CALN1: variants seen among roughly 807,000 people sequenced by gnomAD.
The protein encoded by CALN1 is calcium-binding protein 8.
Under a neutral mutation model 30.6 loss-of-function variants are expected in CALN1, and 17 were observed. That is an observed-to-expected ratio of 0.56 (90% CI 0.38 to 0.83). The LOEUF (loss-of-function observed/expected upper bound fraction) is 0.83, where lower values mean the gene tolerates loss of function less well. Ranked by LOEUF, CALN1 falls within the 40% of genes least tolerant of loss-of-function variation. CALN1 has a pLI of 0.00. For synonymous variants in CALN1, 156 were observed against 131.4 expected, an observed-to-expected ratio of 1.19 and a Z score of -1.28; for missense variants, 291 against 354.9, an observed-to-expected ratio of 0.82 and a Z score of 1.45.
chr7:72,484,653 G>C, the CALN1 span, among the ~76,000 whole-genome samples: 1 of 152,140 alleles, frequency 6.6e-6, no homozygotes, highest in South Asian at 2.1e-4. Flanking sequence ...CTGGTGCTTA[G>C]TCCTTTGAAT....
intron 5 of CALN1, among the ~76,000 whole-genome samples, chr7:71,864,641 G>A (rs911276536): frequency 6.6e-6 from 1 of 152,162 alleles, no homozygotes; most frequent in African/African-American, 2.4e-5. Context: ...CACGGAGACT[G>A]AGAGATGATA....
At chr7:72,060,725 G>C (rs1803588791) in intron 4 of CALN1, among the ~76,000 whole-genome samples, 1 of 152,072 alleles carries the variant, frequency 6.6e-6, no homozygotes, top group African/African-American at 2.4e-5. Context: ...ATGGTAGTGA[G>C]TTCACGCAAG....
rs371093777 is a variant in CALN1, at chr7:72,424,948, A to G, written c.-225-12673T>C. Among the ~76,000 whole-genome samples, 66 of 152,134 alleles carry G rather than the reference A, an allele frequency of 4.3e-4. 3 individuals are homozygous for G. The South Asian group carries it at 0.014, about 32-fold the overall frequency. On this transcript the variant is annotated intron_variant, in intron 1 of 6. Transcript: ENST00000395276. ...CACAGGACTCACTCAAGCGGGTGTA[A>G]GGCTGGGCCCATCTCTAAGGTTTCT... is the stretch of plus-strand genomic sequence containing the variant.
chr7:72,227,325 A>C (rs1793757540), intron 3 of CALN1, among the ~76,000 whole-genome samples: 1 of 151,932 alleles, frequency 6.6e-6, no homozygotes. Context: ...AGATAACTAA[A>C]GGTCAGGAGT....
chr7:72,463,166 G>A, the CALN1 span, among the ~76,000 whole-genome samples: 1 of 152,156 alleles, frequency 6.6e-6, no homozygotes, highest in Non-Finnish European at 1.5e-5. Context: ...CTGTTGCCCA[G>A]GCTGGGGTGC....
chr7:72,139,940 T>C (rs1809773629), intron 3 of CALN1, among the ~76,000 whole-genome samples: 1 of 152,098 alleles, frequency 6.6e-6, no homozygotes, highest in African/African-American at 2.4e-5. Context: ...AAGAGGCCCC[T>C]CTCCTCTGTA....
At chr7:71,970,813 C>T (rs1467697718) in intron 5 of CALN1, among the ~76,000 whole-genome samples, 1 of 152,110 alleles carries the variant, frequency 6.6e-6, no homozygotes, top group African/African-American at 2.4e-5. Context: ...TTTGACAAGG[C>T]CCAGTTACTG....
chr7:71,951,235 T>C (rs575309789), intron 5 of CALN1, among the ~76,000 whole-genome samples: 58 of 152,306 alleles, frequency 3.8e-4, no homozygotes, highest in African/African-American at 1.4e-3. Context: ...CAAAGAGCTC[T>C]CTAACACCAT....
intron 5 of CALN1, among the ~76,000 whole-genome samples, chr7:71,900,120 G>A (rs1793768366): frequency 6.6e-6 from 1 of 152,158 alleles, no homozygotes; most frequent in Non-Finnish European, 1.5e-5. Context: ...TTGCAAAATA[G>A]CTTCCATAAT....
At chr7:71,975,694 C>T (rs557634689) in intron 5 of CALN1, among the ~76,000 whole-genome samples, 51 of 151,800 alleles carry the variant, frequency 3.4e-4, no homozygotes, top group Non-Finnish European at 6.2e-4. Flanking sequence ...CTTCCAAAAG[C>T]GCTGGGATGA....
intron 5 of CALN1, among the ~76,000 whole-genome samples, chr7:71,853,235 C>T (rs901450540): frequency 1.3e-5 from 2 of 151,842 alleles, no homozygotes; most frequent in African/African-American, 4.8e-5. Flanking sequence ...AGCCACTGCA[C>T]TCAGTCTAAA....
chr7:72,320,334 C>T (rs1316928425), intron 2 of CALN1, among the ~76,000 whole-genome samples: 1 of 152,142 alleles, frequency 6.6e-6, no homozygotes, highest in Non-Finnish European at 1.5e-5. Flanking sequence ...GAAATCCAGT[C>T]CAGTGAGTCG....
At chr7:71,977,749 T>A (rs182946966) in intron 5 of CALN1, among the ~76,000 whole-genome samples, 1 of 151,892 alleles carries the variant, frequency 6.6e-6, no homozygotes, top group Non-Finnish European at 1.5e-5. Flanking sequence ...CTGGCCAACA[T>A]GGTGAAACCC....
chr7:71,995,374 C>G (rs545394035), intron 5 of CALN1, among the ~76,000 whole-genome samples: 138 of 152,336 alleles, frequency 9.1e-4, no homozygotes, highest in African/African-American at 3.1e-3. Context: ...TTAGGCTGCT[C>G]TTTGTTAGAA....
the CALN1 span, among the ~76,000 whole-genome samples, chr7:72,457,463 A>C: frequency 6.6e-6 from 1 of 152,090 alleles, no homozygotes; most frequent in African/African-American, 2.4e-5. Flanking sequence ...TCAGCTGTAC[A>C]CACCTTGGGG....
At chr7:72,306,395 A>G (rs1799654568) in intron 2 of CALN1, among the ~76,000 whole-genome samples, 2 of 152,290 alleles carry the variant, frequency 1.3e-5, no homozygotes, top group East Asian at 1.9e-4. Flanking sequence ...GGCAGCCACT[A>G]TAAGCCTTCA....
At chr7:72,353,066 TA>T (rs1458277739) in intron 2 of CALN1, among the ~76,000 whole-genome samples, 1 of 152,188 alleles carries the variant, frequency 6.6e-6, no homozygotes, top group Non-Finnish European at 1.5e-5. Flanking sequence ...TGAATATTCC[TA>T]TATCTTTTAA....
intron 6 of CALN1, among the ~76,000 whole-genome samples, chr7:71,804,076 C>T (rs1400374790): frequency 1.3e-5 from 2 of 152,006 alleles, no homozygotes; most frequent in African/African-American, 4.8e-5. Context: ...TCTTTGGGGT[C>T]TTATTTTTTT....
At chr7:72,090,210 G>A (rs1447046155) in intron 4 of CALN1, among the ~76,000 whole-genome samples, 1 of 152,212 alleles carries the variant, frequency 6.6e-6, no homozygotes, top group East Asian at 1.9e-4. Context: ...GCTGAGGCAG[G>A]AGAATTGCTT....
Sources: gnomAD v4.1 joint callset for allele counts (sites outside exome capture counted in the v4.1 genomes callset) on GRCh38, gnomAD v4.1.1 for gene constraint, MANE v1.5 for transcripts, NCBI Gene and HGNC (gene_info 2026-07-23, HGNC 2026-07-21) for gene names.